CSGALNACT1: variants seen among roughly 807,000 people sequenced by gnomAD.
CSGALNACT1 encodes chondroitin sulfate N-acetylgalactosaminyltransferase 1.
CSGALNACT1 carries 52 observed loss-of-function variants against 51.0 expected under a neutral mutation model. The observed-to-expected ratio is 1.02, with a 90% CI of 0.82 to 1.29. The LOEUF is 1.29. Among genes scored for constraint, CSGALNACT1 ranks in the 50% most tolerant of loss-of-function variants. CSGALNACT1 has a pLI of 0.00. For synonymous variants in CSGALNACT1, 341 were observed against 254.4 expected (o/e 1.34, Z -3.24); for missense variants, 935 against 679.2 (o/e 1.38, Z -4.19).
At chr8:19,502,463 A>C (rs4921654) in intron 4 of CSGALNACT1, among the ~76,000 whole-genome samples, 83,291 of 152,112 alleles carry the variant, frequency 0.55, 24,402 homozygotes, top group East Asian at 0.84. Flanking sequence ...AACTAGGATC[A>C]TCTGCAAGCA....
At chr8:19,474,666 C>T (rs536609001) in intron 4 of CSGALNACT1, among the ~76,000 whole-genome samples, 3 of 151,680 alleles carry the variant, frequency 2.0e-5, no homozygotes, top group Non-Finnish European at 2.9e-5. Context: ...GTCGGGAGTT[C>T]GAGACCAGCC....
chr8:19,462,606 T>A (rs1185638885), intron 4 of CSGALNACT1, among the ~76,000 whole-genome samples: 1 of 152,136 alleles, frequency 6.6e-6, no homozygotes, highest in Non-Finnish European at 1.5e-5. Context: ...TGGTCAGTGG[T>A]TCCAGGTATG....
intron 3 of CSGALNACT1, among the ~76,000 whole-genome samples, chr8:19,559,999 C>A (rs191288482): frequency 6.6e-6 from 1 of 152,148 alleles, no homozygotes; most frequent in Non-Finnish European, 1.5e-5. Flanking sequence ...CTTAAGAAGA[C>A]GCAGTAATTA....
chr8:19,717,060 A>T (rs2062852520), intron 1 of CSGALNACT1, among the ~76,000 whole-genome samples: 1 of 152,240 alleles, frequency 6.6e-6, no homozygotes, highest in South Asian at 2.1e-4. Context: ...AATTCACAGG[A>T]TTGCTGTGAA....
intron 1 of CSGALNACT1, among the ~76,000 whole-genome samples, chr8:19,706,491 G>A (rs898249656): frequency 6.6e-6 from 1 of 152,178 alleles, no homozygotes; most frequent in African/African-American, 2.4e-5. Context: ...GGAATACACT[G>A]AATCAGGTTT....
chr8:19,740,824 A>G (rs9693642), intron 1 of CSGALNACT1, among the ~76,000 whole-genome samples: 25,645 of 152,150 alleles, frequency 0.17, 2,273 homozygotes, highest in Middle Eastern at 0.31. Flanking sequence ...AAGGGTTTCA[A>G]AGGAATGTTC....
At chr8:19,607,996 G>A (rs2051635835) in intron 1 of CSGALNACT1, among the ~76,000 whole-genome samples, 1 of 152,202 alleles carries the variant, frequency 6.6e-6, no homozygotes, top group Non-Finnish European at 1.5e-5. Flanking sequence ...CTACTATAAT[G>A]CTTAAAGTTG....
chr8:19,596,802 C>G (rs2049003283), intron 2 of CSGALNACT1, among the ~76,000 whole-genome samples: 1 of 152,058 alleles, frequency 6.6e-6, no homozygotes, highest in African/African-American at 2.4e-5. Context: ...AAAATAGACA[C>G]TTTGACTTTT....
intron 3 of CSGALNACT1, among the ~76,000 whole-genome samples, chr8:19,579,391 T>G (rs1034636449): frequency 1.3e-5 from 2 of 152,194 alleles, no homozygotes; most frequent in African/African-American, 4.8e-5. Flanking sequence ...GGGTAATTGC[T>G]TTTCACTACA....
intron 4 of CSGALNACT1, 65 bp from the exon 4 acceptor site, chr8:19,458,707 A>C (rs888059420): frequency 1.4e-6 from 2 of 1,442,878 alleles, no homozygotes; most frequent in East Asian, 2.3e-5. Flanking sequence ...GTGTTTTTCA[A>C]CCGAGATCTA....
At chr8:19,702,685 T>G (rs952789381) in intron 1 of CSGALNACT1, among the ~76,000 whole-genome samples, 2 of 152,112 alleles carry the variant, frequency 1.3e-5, no homozygotes, top group Non-Finnish European at 2.9e-5. Flanking sequence ...CACAGACTGC[T>G]CTGTTGGCCA....
At chr8:19,609,461 C>T (rs1401734727) in intron 1 of CSGALNACT1, among the ~76,000 whole-genome samples, 1 of 150,692 alleles carries the variant, frequency 6.6e-6, no homozygotes, top group Non-Finnish European at 1.5e-5. Flanking sequence ...GCCAGGTAAG[C>T]AAGACAAGGA....
In CSGALNACT1 at chr8:19,407,913, G is replaced by GCATGTGGACATTTGTGTATATGAAT. The variant is rs1563251382; in HGVS notation, c.1309+699_1309+700insATTCATATACACAAATGTCCACATG. Among the ~76,000 whole-genome samples, 493 of 59,256 alleles carry GCATGTGGACATTTGTGTATATGAAT rather than the reference G, an allele frequency of 8.3e-3. 25 individuals are homozygous for GCATGTGGACATTTGTGTATATGAAT. Among genetic ancestry groups the GCATGTGGACATTTGTGTATATGAAT allele is most frequent in the African/African-American group, 0.024 (474 of 19,994 alleles). The allele number at this position is 59,256 out of a possible 152,430, so 38.9% of individuals were successfully genotyped here. On this transcript the variant is annotated intron_variant, in intron 9 of 9. Coordinates refer to ENST00000454498, the Ensembl canonical transcript of CSGALNACT1. The stretch of plus-strand genomic sequence containing the variant: ...ACATTTGTGTATATGAATTGTGTGT[G>GCATGTGGACATTTGTGTATATGAAT]TGTGTGTGTGTGTGTGTGTGTGTGT...
intron 6 of CSGALNACT1, 92 bp downstream of exon 5, chr8:19,439,738 G>C (rs1181514491): frequency 5.0e-6 from 5 of 995,248 alleles, no homozygotes; most frequent in African/African-American, 1.6e-5. Context: ...CAGTGTAAAG[G>C]AAAATAAAAT....
intron 1 of CSGALNACT1, among the ~76,000 whole-genome samples, chr8:19,709,036 T>C (rs985854759): frequency 2.0e-4 from 31 of 152,222 alleles, no homozygotes; most frequent in African/African-American, 7.0e-4. Flanking sequence ...AAGCTGACTA[T>C]TATCATATTT....
chr8:19,667,995 A>C lies in CSGALNACT1; in HGVS notation c.-544+14478T>G, dbSNP rs554507128. Among the ~76,000 whole-genome samples, 3 of 152,330 alleles carry C rather than the reference A, an allele frequency of 2.0e-5. No individual in the cohort carries two copies. In the South Asian group the frequency reaches 6.2e-4, roughly 32 times the overall value. On this transcript the variant is annotated intron_variant, in intron 1 of 9. Coordinates refer to the CSGALNACT1 transcript ENST00000332246. ...GTGAAGTTGAACTGAAGGAAACCTA[A>C]CCATTCAAATATTAGAAGAAGCTAG... is the stretch of plus-strand genomic sequence containing the variant.
chr8:19,637,533 A>T (rs969206286), intron 1 of CSGALNACT1, among the ~76,000 whole-genome samples: 1 of 152,194 alleles, frequency 6.6e-6, no homozygotes, highest in Non-Finnish European at 1.5e-5. Flanking sequence ...AGCACTTAAA[A>T]CTTAATGTTA....
Position 19,676,944 on chromosome 8 carries a change from G to C in CSGALNACT1, c.-544+5529C>G, listed in dbSNP as rs752346482. Among the ~76,000 whole-genome samples the C allele has an allele frequency of 7.9e-4, 120 of 152,178 alleles. 1 individual carries two copies. The highest frequency in any genetic ancestry group is 2.9e-4 in the Non-Finnish European group (20 of 68,040). On this transcript the variant is annotated intron_variant, in intron 1 of 9. Coordinates refer to the CSGALNACT1 transcript ENST00000332246. ...GCAACCAACCAATGGATTTGACAAT[G>C]AAAGAGTTATTAGTAGCATTGACAA...
chr8:19,491,991 G>A (rs368678565), intron 4 of CSGALNACT1, among the ~76,000 whole-genome samples: 13 of 152,286 alleles, frequency 8.5e-5, no homozygotes, highest in South Asian at 6.2e-4. Flanking sequence ...AGTACACTCT[G>A]TGCTATTAAT....
Sources: allele counts gnomAD v4.1 joint callset (sites outside exome capture counted in the v4.1 genomes callset), GRCh38; gene constraint gnomAD v4.1.1; transcripts MANE v1.5; gene names NCBI Gene and HGNC (gene_info 2026-07-23, HGNC 2026-07-21).